The following TP53BP1 variants were observed in gnomAD, a reference collection of about 807,000 sequenced individuals.
The protein encoded by TP53BP1 is TP53-binding protein 1.
TP53BP1 carries 61 observed loss-of-function variants against 200.8 expected under a neutral mutation model. The observed-to-expected ratio is 0.30, with a 90% CI of 0.25 to 0.38. TP53BP1 has a LOEUF of 0.38. Ranked by LOEUF, TP53BP1 falls within the 10% of genes least tolerant of loss-of-function variation. TP53BP1 has a pLI of 1.00. For synonymous variants in TP53BP1, 822 were observed against 844.3 expected (o/e 0.97, Z 0.46); for missense variants, 2,144 against 2,371.9 (o/e 0.90, Z 2.00).
chr15:43,430,270 C>T (rs1433160968), intron 17 of TP53BP1, among the ~76,000 whole-genome samples: 4 of 151,668 alleles, frequency 2.6e-5, no homozygotes, highest in African/African-American at 4.8e-5. Context: ...AGCCTATGTC[C>T]TATCTACACT....
At chr15:43,443,360 C>T (rs1260491968) in intron 14 of TP53BP1, among the ~76,000 whole-genome samples, 1 of 151,742 alleles carries the variant, frequency 6.6e-6, no homozygotes, top group African/African-American at 2.4e-5. Context: ...TAGAAGGTAC[C>T]CAAGTTCTTC....
intron 24 of TP53BP1, chr15:43,412,583 A>G: frequency 2.3e-6 from 1 of 435,014 alleles, no homozygotes; most frequent in Non-Finnish European, 4.7e-6. Flanking sequence ...TAAGAGTTGA[A>G]AAGGCCTAGA....
At chr15:43,421,822 G>A in intron 19 of TP53BP1, 33 bp downstream of exon 19, 1 of 1,611,458 alleles carries the variant, frequency 6.2e-7, no homozygotes, top group South Asian at 1.1e-5. Flanking sequence ...TGCCCCTGCT[G>A]TGGCTCTCTC....
chr15:43,482,267 A>C (rs947124385), intron 4 of TP53BP1, among the ~76,000 whole-genome samples: 13 of 152,138 alleles, frequency 8.5e-5, no homozygotes, highest in Admixed American at 8.5e-4. Context: ...AACAAGAAAC[A>C]ACCTATAAAT....
In TP53BP1 at chr15:43,455,834, C is replaced by T. The variant is rs754710770; in HGVS notation, c.2716+58G>A. ...GACATAAGCATGCAGTTCTCGCCAA[C>T]TTTCCATTCCAGATTATAATTTAGG... On this transcript the variant is annotated intron_variant, in intron 12 of 27. Coordinates refer to ENST00000382044, the MANE Select transcript of TP53BP1 (RefSeq NM_001141980.3). 307 of 1,591,710 alleles carry T rather than the reference C, an allele frequency of 1.9e-4. 1 individual carries two copies. Among genetic ancestry groups the T allele is most frequent in the Middle Eastern group, 1.3e-3 (8 of 5,950 alleles).
chr15:43,477,832 T>C (rs1213394827), intron 7 of TP53BP1, 73 bp from the exon 8 acceptor site: 14 of 1,239,340 alleles, frequency 1.1e-5, no homozygotes, highest in African/African-American at 3.0e-5. Flanking sequence ...TTTTCCTGTT[T>C]TGTGTGTTTT....
At chr15:43,482,229 A>C (rs1244775210) in intron 4 of TP53BP1, among the ~76,000 whole-genome samples, 2 of 151,412 alleles carry the variant, frequency 1.3e-5, no homozygotes, top group African/African-American at 4.9e-5. Context: ...ACTCCACCTC[A>C]AAAAACAACA....
At chr15:43,467,766 G>C (rs1365016855) in intron 11 of TP53BP1, among the ~76,000 whole-genome samples, 1 of 150,554 alleles carries the variant, frequency 6.6e-6, no homozygotes, top group East Asian at 2.0e-4. Flanking sequence ...CTGTGTCAGT[G>C]TTTATAGCTC....
chr15:43,444,797 T>G (rs2046004751), intron 14 of TP53BP1, among the ~76,000 whole-genome samples: 1 of 152,196 alleles, frequency 6.6e-6, no homozygotes. Context: ...CTGTGTAGTC[T>G]TCAATAGCTT....
At chr15:43,438,890 T>A (rs138046504) in intron 15 of TP53BP1, among the ~76,000 whole-genome samples, 1,531 of 152,278 alleles carry the variant, frequency 0.01, 20 homozygotes, top group Non-Finnish European at 0.016. Flanking sequence ...GAACATTGAA[T>A]ATTTCATGAT....
intron 23 of TP53BP1, chr15:43,414,164 G>A (rs1198129889): frequency 1.1e-5 from 5 of 467,292 alleles, no homozygotes; most frequent in South Asian, 3.1e-5. Flanking sequence ...GCAATATGAC[G>A]TTATATGAAC....
At chr15:43,409,830 A>C (rs1595517954) in intron 24 of TP53BP1, 89 bp from the exon 25 acceptor site, 1 of 564,248 alleles carries the variant, frequency 1.8e-6, no homozygotes, top group South Asian at 2.8e-5. Context: ...CCCCTTTTCC[A>C]CTCCCCAGCT....
intron 4 of TP53BP1, among the ~76,000 whole-genome samples, chr15:43,481,567 A>C (rs2078967578): frequency 6.6e-6 from 1 of 151,662 alleles, no homozygotes; most frequent in Non-Finnish European, 1.5e-5. Context: ...CTGTAATCCC[A>C]GCACTTTGGG....
intron 22 of TP53BP1, 144 bp from the exon 23 acceptor site, chr15:43,415,953 A>G (rs773264385): frequency 6.7e-6 from 5 of 747,114 alleles, no homozygotes; most frequent in Non-Finnish European, 8.6e-6. Flanking sequence ...TTTTAAGGCC[A>G]TATTTTTTAT....
intron 23 of TP53BP1, chr15:43,414,029 T>C: frequency 1.6e-5 from 7 of 439,178 alleles, no homozygotes; most frequent in South Asian, 1.2e-4. Context: ...AATAAGTCCT[T>C]GAGAAAAAAA....
At chr15:43,490,191 G>A (rs1339840738) in intron 4 of TP53BP1, among the ~76,000 whole-genome samples, 1 of 152,094 alleles carries the variant, frequency 6.6e-6, no homozygotes, top group African/African-American at 2.4e-5. Flanking sequence ...CCAGGTTCAA[G>A]TGATTCTCCT....
rs893482411 is a variant in TP53BP1, at chr15:43,407,327, G to C, written c.*56C>G. On this transcript the variant is annotated 3_prime_UTR_variant, in exon 28 of 28. Transcript: ENST00000382044. ...TACACACAAGACACATTTAAAACCT[G>C]GTTAAAACACAATCTCCACGATAGC... 7.2e-6 allele frequency: 11 copies of C among 1,524,852 alleles called. No individual in the cohort carries two copies. The Admixed American group carries it at 1.9e-4, about 26-fold the overall frequency. The allele number at this position is 1,524,852 out of a possible 1,614,324, so 94.5% of individuals were successfully genotyped here.
At chr15:43,411,404 C>T (rs977701433) in intron 24 of TP53BP1, among the ~76,000 whole-genome samples, 4 of 152,178 alleles carry the variant, frequency 2.6e-5, no homozygotes, top group African/African-American at 9.7e-5. Context: ...GATTAGGTAC[C>T]AAACTTATTA....
chr15:43,425,075 C>CTG (rs1256601008), intron 18 of TP53BP1, among the ~76,000 whole-genome samples: 2 of 152,190 alleles, frequency 1.3e-5, no homozygotes, highest in Non-Finnish European at 2.9e-5. Flanking sequence ...CCTCGGGACT[C>CTG]TTCAGAGTCC....
Sources: gnomAD v4.1 joint callset for allele counts (sites outside exome capture counted in the v4.1 genomes callset) on GRCh38, gnomAD v4.1.1 for gene constraint, MANE v1.5 for transcripts, NCBI Gene and HGNC (gene_info 2026-07-23, HGNC 2026-07-21) for gene names.